Variants in TBC1D5 observed in about 807,000 individuals in gnomAD.
TBC1D5 encodes TBC1 domain family member 5.
In TBC1D5, 75 loss-of-function variants were observed where a neutral mutation model predicts 100.3. That is an observed-to-expected ratio of 0.75 (90% confidence interval 0.62 to 0.91). TBC1D5 has a LOEUF of 0.91. TBC1D5 is among the 40% of genes least tolerant of loss of function. The pLI, the probability that TBC1D5 is intolerant of heterozygous loss-of-function variation, is 0.00. For synonymous variants in TBC1D5, 323 were observed against 325.6 expected, an observed-to-expected ratio of 0.99 and a Z score of 0.09; for missense variants, 910 against 942.4, an observed-to-expected ratio of 0.97 and a Z score of 0.45.
intron 1 of TBC1D5, among the ~76,000 whole-genome samples, chr3:17,697,167 C>G (rs532541840): frequency 6.6e-6 from 1 of 152,106 alleles, no homozygotes; most frequent in Non-Finnish European, 1.5e-5. Flanking sequence ...GGGCAACAAC[C>G]GGAAGCATTT....
chr3:17,262,104 G>A (rs575446562), intron 15 of TBC1D5, among the ~76,000 whole-genome samples: 1 of 152,094 alleles, frequency 6.6e-6, no homozygotes, highest in Non-Finnish European at 1.5e-5. Context: ...ATGGGGATAC[G>A]TCCTGAGAAA....
intron 2 of TBC1D5, among the ~76,000 whole-genome samples, chr3:17,592,604 A>G (rs2060300402): frequency 6.6e-6 from 1 of 152,192 alleles, no homozygotes; most frequent in Non-Finnish European, 1.5e-5. Flanking sequence ...TTGTCAAGTG[A>G]CCTGAAAGGC....
At chr3:17,618,989 C>T (rs1351790203) in intron 2 of TBC1D5, among the ~76,000 whole-genome samples, 1 of 152,206 alleles carries the variant, frequency 6.6e-6, no homozygotes, top group Non-Finnish European at 1.5e-5. Context: ...GCATTCATCA[C>T]ACTTGGAGCT....
intron 4 of TBC1D5, among the ~76,000 whole-genome samples, chr3:17,424,838 G>C (rs56824662): frequency 0.091 from 13,863 of 151,964 alleles, 1,431 homozygotes; most frequent in African/African-American, 0.26. Context: ...AGTTAGGGTC[G>C]ATTCACTTTA....
intron 1 of TBC1D5, among the ~76,000 whole-genome samples, chr3:17,728,991 A>T (rs73170878): frequency 0.042 from 6,093 of 146,236 alleles, 493 homozygotes; most frequent in African/African-American, 0.15. Flanking sequence ...TAAAGATACA[A>T]TACTCAAGTG....
At chr3:17,189,434 A>T (rs562443466) in intron 18 of TBC1D5, among the ~76,000 whole-genome samples, 3 of 152,334 alleles carry the variant, frequency 2.0e-5, no homozygotes, top group African/African-American at 7.2e-5. Context: ...TACAATGTGC[A>T]ACATCACCAA....
intron 2 of TBC1D5, among the ~76,000 whole-genome samples, chr3:17,600,356 A>G (rs1023099962): frequency 6.6e-6 from 1 of 152,260 alleles, no homozygotes; most frequent in Non-Finnish European, 1.5e-5. Context: ...TGAAGGTCAC[A>G]TGTATTTATT....
intron 1 of TBC1D5, among the ~76,000 whole-genome samples, chr3:17,698,962 A>G (rs1457861805): frequency 6.8e-6 from 1 of 146,334 alleles, no homozygotes; most frequent in African/African-American, 2.5e-5. Context: ...AAACTAGTTC[A>G]ACCATTGTGG....
intron 1 of TBC1D5, among the ~76,000 whole-genome samples, chr3:17,726,730 TTAATA>T (rs1187791896): frequency 1.3e-5 from 2 of 152,242 alleles, no homozygotes; most frequent in African/African-American, 2.4e-5. Context: ...ATAAACCTTT[TTAATA>T]TATTTTATCC....
chr3:17,663,826 T>C (rs981319030), intron 1 of TBC1D5, among the ~76,000 whole-genome samples: 4 of 152,128 alleles, frequency 2.6e-5, no homozygotes, highest in African/African-American at 9.7e-5. Context: ...AAATATATAG[T>C]ACATCTATAT....
intron 18 of TBC1D5, among the ~76,000 whole-genome samples, chr3:17,211,072 TTC>T (rs1318049507): frequency 3.3e-5 from 5 of 152,210 alleles, no homozygotes; most frequent in Non-Finnish European, 7.3e-5. Context: ...AGTTGCTTTT[TTC>T]TGTTTTTGTC....
chr3:17,733,495 G>T (rs149674983), intron 1 of TBC1D5, among the ~76,000 whole-genome samples: 1 of 152,170 alleles, frequency 6.6e-6, no homozygotes, highest in African/African-American at 2.4e-5. Context: ...ATCACTTGGG[G>T]GGGGTGGAGC....
intron 14 of TBC1D5, among the ~76,000 whole-genome samples, chr3:17,307,195 A>T (rs180845830): frequency 6.6e-6 from 1 of 152,334 alleles, no homozygotes; most frequent in African/African-American, 2.4e-5. Context: ...GATTCTAAAA[A>T]GTGTATGTTC....
Position 17,507,765 on chromosome 3 carries a change from A to G in TBC1D5, c.97+709T>C, listed in dbSNP as rs538787855. 1.2e-4 allele frequency among the ~76,000 whole-genome samples: 18 copies of G among 152,322 alleles called. No homozygotes were observed. In the South Asian group the frequency reaches 1.9e-3, roughly 16 times the overall value. The stretch of plus-strand genomic sequence containing the variant: ...CCACTGAGTCAATTAACTTTATCAA[A>G]TATTTAGTGAACTGCTTAAAAACTA... On this transcript the variant is annotated intron_variant, in intron 3 of 21. Coordinates refer to ENST00000253692, the Ensembl canonical transcript of TBC1D5.
chr3:17,323,999 A>G (rs2150992189), intron 13 of TBC1D5, among the ~76,000 whole-genome samples: 1 of 152,362 alleles, frequency 6.6e-6, no homozygotes, highest in East Asian at 1.9e-4. Context: ...TTGACAGAAC[A>G]AAGTTTGGAG....
At chr3:17,563,755 T>C in intron 2 of TBC1D5, among the ~76,000 whole-genome samples, 1 of 152,018 alleles carries the variant, frequency 6.6e-6, no homozygotes. Flanking sequence ...TGGTGGTTTG[T>C]TGTTGTTGTT....
chr3:17,516,723 T>C (rs2095994068), intron 2 of TBC1D5, among the ~76,000 whole-genome samples: 1 of 152,196 alleles, frequency 6.6e-6, no homozygotes, highest in Non-Finnish European at 1.5e-5. Flanking sequence ...TATTCATTAA[T>C]TCATCAAAAA....
chr3:17,220,850 C>T lies in TBC1D5; in HGVS notation c.1589-6480G>A, dbSNP rs532790368. Reference sequence around the variant, plus strand: ...TAGAACAAAAGACAAATCAAGAAGCCATGGCATTTTGATTCACAAGGCTTT... The same window carrying T: ...TAGAACAAAAGACAAATCAAGAAGCTATGGCATTTTGATTCACAAGGCTTT... On this transcript the variant is annotated intron_variant, in intron 17 of 21. Coordinates refer to ENST00000253692, the Ensembl canonical transcript of TBC1D5. Among the ~76,000 whole-genome samples, 11 of 152,124 alleles carry T rather than the reference C, an allele frequency of 7.2e-5. No homozygotes were observed. In the East Asian group the frequency reaches 2.1e-3, roughly 29 times the overall value.
chr3:17,319,880 G>GA (rs1177440585), intron 13 of TBC1D5, among the ~76,000 whole-genome samples: 3 of 151,584 alleles, frequency 2.0e-5, no homozygotes, highest in African/African-American at 7.3e-5. Context: ...AAAAGAAAAA[G>GA]AAGAAAAAAA....
Sources: gnomAD v4.1 joint callset for allele counts (sites outside exome capture counted in the v4.1 genomes callset) on GRCh38, gnomAD v4.1.1 for gene constraint, MANE v1.5 for transcripts, NCBI Gene and HGNC (gene_info 2026-07-23, HGNC 2026-07-21) for gene names.